Variants in FAT3 observed in about 807,000 individuals in gnomAD.
FAT3 encodes the protein FAT atypical cadherin 3, also known as protocadherin Fat 3.
FAT3 carries 95 observed loss-of-function variants against 310.2 expected under a neutral mutation model. That is an observed-to-expected ratio of 0.31 (90% CI 0.26 to 0.36). FAT3 has a LOEUF of 0.36. FAT3 is among the 10% of genes least tolerant of loss of function. FAT3 has a pLI of 1.00. For synonymous variants in FAT3, 2,314 were observed against 2,192.9 expected (o/e 1.06, Z -1.54); for missense variants, 5,408 against 5,715.6 (o/e 0.95, Z 1.74).
chr11:92,528,904 GA>G (rs1295339921), intron 3 of FAT3, among the ~76,000 whole-genome samples: 1 of 152,078 alleles, frequency 6.6e-6, no homozygotes, highest in African/African-American at 2.4e-5. Flanking sequence ...TTTCCCCCTA[GA>G]AAAAAAGTCT....
intron 2 of FAT3, among the ~76,000 whole-genome samples, chr11:92,454,478 ATTTC>A (rs1394717272): frequency 2.6e-5 from 4 of 152,068 alleles, no homozygotes; most frequent in African/African-American, 9.7e-5. Context: ...CAACATTTAT[ATTTC>A]TTTAATTTTT....
intron 3 of FAT3, among the ~76,000 whole-genome samples, chr11:92,565,902 T>A (rs1485470263): frequency 6.6e-6 from 1 of 152,050 alleles, no homozygotes; most frequent in Non-Finnish European, 1.5e-5. Flanking sequence ...TAATAAGAGC[T>A]ATCTATGACA....
intron 1 of FAT3, among the ~76,000 whole-genome samples, chr11:92,247,272 C>T (rs535712876): frequency 6.6e-6 from 1 of 151,686 alleles, no homozygotes; most frequent in Non-Finnish European, 1.5e-5. Flanking sequence ...CTTGCCTTAC[C>T]TGAACCTGTA....
intron 1 of FAT3, among the ~76,000 whole-genome samples, chr11:92,339,894 C>T (rs368336893): frequency 6.6e-6 from 1 of 151,886 alleles, no homozygotes; most frequent in South Asian, 2.1e-4. Context: ...TGGGCGATCA[C>T]GAGGTCAGGA....
chr11:92,754,884 TAAAG>T (rs1364818986), intron 4 of FAT3, among the ~76,000 whole-genome samples: 2 of 151,220 alleles, frequency 1.3e-5, no homozygotes, highest in Admixed American at 1.3e-4. Context: ...ATAATAATAA[TAAAG>T]AAGGAAATCC....
intron 2 of FAT3, among the ~76,000 whole-genome samples, chr11:92,458,316 G>A (rs1204359311): frequency 6.6e-6 from 1 of 152,166 alleles, no homozygotes; most frequent in Non-Finnish European, 1.5e-5. Context: ...TGGAAGCAGT[G>A]TTTCCTCTGC....
At chr11:92,315,993 T>G (rs1231133629) in intron 1 of FAT3, among the ~76,000 whole-genome samples, 1 of 152,174 alleles carries the variant, frequency 6.6e-6, no homozygotes, top group Non-Finnish European at 1.5e-5. Flanking sequence ...AGTGAAATGC[T>G]TTATTTTAAA....
chr11:92,796,788 C>T (rs1947186392), intron 9 of FAT3, among the ~76,000 whole-genome samples: 1 of 152,210 alleles, frequency 6.6e-6, no homozygotes, highest in South Asian at 2.1e-4. Context: ...TTACATACTC[C>T]ACATTGTGTC....
chr11:92,436,354 C>T (rs769014235), intron 2 of FAT3, among the ~76,000 whole-genome samples: 2 of 152,082 alleles, frequency 1.3e-5, no homozygotes, highest in Non-Finnish European at 2.9e-5. Flanking sequence ...GTTTCCCAAG[C>T]TGGTCTCCAG....
At chr11:92,430,336 A>G (rs896610625) in intron 2 of FAT3, among the ~76,000 whole-genome samples, 4 of 151,972 alleles carry the variant, frequency 2.6e-5, no homozygotes, top group Admixed American at 1.3e-4. Flanking sequence ...ACTTCTGTCA[A>G]TTCGTCAAAC....
At chr11:92,397,717 C>T (rs1484200964) in intron 2 of FAT3, among the ~76,000 whole-genome samples, 1 of 152,042 alleles carries the variant, frequency 6.6e-6, no homozygotes, top group Non-Finnish European at 1.5e-5. Context: ...GCCTTCCATC[C>T]CCCGCTTGCG....
At chr11:92,317,945 A>G (rs1947508015) in intron 1 of FAT3, among the ~76,000 whole-genome samples, 1 of 152,214 alleles carries the variant, frequency 6.6e-6, no homozygotes, top group Admixed American at 6.5e-5. Context: ...CCACAGTGAC[A>G]GGAGGGAGTT....
At chr11:92,363,847 T>G (rs1022005975) in intron 2 of FAT3, among the ~76,000 whole-genome samples, 40 of 152,322 alleles carry the variant, frequency 2.6e-4, no homozygotes, top group African/African-American at 9.6e-4. Context: ...TGAGGAGTCC[T>G]GAACACTCCA....
In FAT3 at chr11:92,883,000, A is replaced by G. The variant is rs2136412219; in HGVS notation, c.12544A>G (p.Lys4182Glu). Residue 4182 changes from lysine to glutamate, a missense_variant, in exon 24 of 28, where the codon AAG becomes GAG. By Grantham distance (56) the Lys-to-Glu change is moderately conservative. Transcript: ENST00000525166. ...AGTCTTCCGCAAGAAGGTCTTCCGC[A>G]AGAACTACTCCCGCAACAACATCAC... is the stretch of plus-strand genomic sequence containing the variant. ...FIVFRKKVFR[K>E]NYSRNNITLV... 1 of 1,613,934 alleles carries G rather than the reference A, an allele frequency of 6.2e-7. No individual in the cohort carries two copies. Among genetic ancestry groups the G allele is most frequent in the Non-Finnish European group, 8.5e-7 (1 of 1,179,904 alleles).
chr11:92,444,983 G>A (rs1300128694), intron 2 of FAT3, among the ~76,000 whole-genome samples: 2 of 152,074 alleles, frequency 1.3e-5, no homozygotes, highest in Non-Finnish European at 2.9e-5. Flanking sequence ...TTGGAGACAG[G>A]GTCTTTAAAG....
At chr11:92,273,740 G>A (rs905884775) in intron 1 of FAT3, among the ~76,000 whole-genome samples, 2 of 152,188 alleles carry the variant, frequency 1.3e-5, no homozygotes, top group East Asian at 3.9e-4. Flanking sequence ...TGAGGATTAA[G>A]TTAATGTCTG....
intron 21 of FAT3, 137 bp downstream of exon 21, chr11:92,859,459 G>A (rs1949067840): frequency 1.1e-6 from 1 of 878,314 alleles, no homozygotes; most frequent in Admixed American, 3.3e-5. Context: ...AAGGGGAGCA[G>A]CGGCAGAACT....
chr11:92,781,940 A>G (rs1009939796), intron 7 of FAT3, among the ~76,000 whole-genome samples: 1 of 152,196 alleles, frequency 6.6e-6, no homozygotes, highest in Admixed American at 6.5e-5. Context: ...TCTAAAAGTT[A>G]CATTGATTTG....
rs746171458 is a variant in FAT3, at chr11:92,883,258, C to A, written c.12802C>A (p.Pro4268Thr). Residue 4268 changes from proline (P) to threonine (T), a missense_variant, in exon 24 of 28, where the codon CCT (proline) becomes ACT (threonine). Coordinates refer to ENST00000525166, the MANE Select transcript of FAT3 (RefSeq NM_001367949.2). This position sits in a 1 kb window ranked among gnomAD's most constrained non-coding sequence, Gnocchi z 4.2. ...GEHQEMTTFH[P>T]ESPRILTARR... ...GCACCAGGAAATGACCACGTTTCAC[C>A]CTGAGTCGCCCCGCATCCTGACAGC... 2.5e-6 allele frequency: 4 copies of A among 1,612,862 alleles called. No individual in the cohort carries two copies. The Admixed American group carries it at 6.7e-5, about 27-fold the overall frequency.
Sources: gnomAD v4.1 joint callset for allele counts (sites outside exome capture counted in the v4.1 genomes callset) on GRCh38, gnomAD v4.1.1 for gene constraint, Gnocchi (gnomAD v3.1) non-coding constraint, MANE v1.5 for transcripts, NCBI Gene and HGNC (gene_info 2026-07-23, HGNC 2026-07-21) for gene names.